CCDC171: variants seen among roughly 807,000 people sequenced by gnomAD.
CCDC171 encodes the protein coiled-coil domain containing 171.
A neutral mutation model predicts 168.2 loss-of-function variants in CCDC171; 177 were observed. That is an observed-to-expected ratio of 1.05 (90% CI 0.93 to 1.19). The LOEUF (loss-of-function observed/expected upper bound fraction) is 1.19. CCDC171 is among the 50% of genes most tolerant of loss of function. The pLI, the probability that CCDC171 is intolerant of heterozygous loss-of-function variation, is 0.00. For synonymous variants in CCDC171, 687 were observed against 540.8 expected (o/e 1.27, Z -3.75); for missense variants, 1,991 against 1,539.0 (o/e 1.29, Z -4.91).
chr9:15,724,135 G>A (rs7038981), intron 13 of CCDC171, among the ~76,000 whole-genome samples: 1 of 152,146 alleles, frequency 6.6e-6, no homozygotes, highest in South Asian at 2.1e-4. Flanking sequence ...AGTACATCAT[G>A]TCTGTTAATG....
intron 21 of CCDC171, among the ~76,000 whole-genome samples, chr9:15,833,492 A>T (rs115130295): frequency 6.6e-6 from 1 of 152,182 alleles, no homozygotes; most frequent in Non-Finnish European, 1.5e-5. Flanking sequence ...CCATTGTTGA[A>T]TAAGTCTTTC....
the CCDC171 span, among the ~76,000 whole-genome samples, chr9:16,075,190 C>G: frequency 6.6e-6 from 1 of 152,230 alleles, no homozygotes; most frequent in African/African-American, 2.4e-5. Flanking sequence ...AATACTTCCT[C>G]TTTATCTCTT....
chr9:15,781,739 A>T (rs1267966545), intron 20 of CCDC171, among the ~76,000 whole-genome samples: 1 of 152,142 alleles, frequency 6.6e-6, no homozygotes, highest in African/African-American at 2.4e-5. Context: ...ATATTGTCCT[A>T]TAATTATAAG....
rs73411560 is a variant in CCDC171, at chr9:15,954,764, G to T, written c.3754-16845G>T. Among the ~76,000 whole-genome samples the T allele has an allele frequency of 7.0e-3, 1,046 of 150,458 alleles. 12 individuals carry two copies. The highest frequency in any genetic ancestry group is 0.024 in the African/African-American group (992 of 41,180). On this transcript the variant is annotated intron_variant, in intron 25 of 25. Coordinates refer to ENST00000380701, the MANE Select transcript of CCDC171 (RefSeq NM_173550.4). ...TTTCAGCTCCAGAATTTCTTTTTTT[G>T]TTGTTGTTTGTTTCTTTCTAGGCTT...
chr9:15,751,502 T>G (rs1230327067), intron 18 of CCDC171, among the ~76,000 whole-genome samples: 1 of 152,100 alleles, frequency 6.6e-6, no homozygotes, highest in Non-Finnish European at 1.5e-5. Context: ...GCTGGAGGTG[T>G]CAGGCTGCCT....
At chr9:15,922,139 A>G (rs1328285) in intron 25 of CCDC171, 330,966 of 385,686 alleles carry the variant, frequency 0.86, 142,557 homozygotes, top group East Asian at 0.96. Context: ...TTTAGAAGAG[A>G]TGGTTCACCC....
At chr9:15,658,005 T>A (rs190624034) in intron 8 of CCDC171, among the ~76,000 whole-genome samples, 6 of 152,216 alleles carry the variant, frequency 3.9e-5, no homozygotes, top group South Asian at 2.1e-4. Context: ...ACATATTGTT[T>A]ATGGGTGCTT....
intron 6 of CCDC171, 106 bp from the exon 7 acceptor site, chr9:15,623,161 T>A (rs557146198): frequency 1.4e-6 from 1 of 694,146 alleles, no homozygotes; most frequent in Non-Finnish European, 2.2e-6. Flanking sequence ...TAACCTATTA[T>A]TATAGTTGAA....
intron 11 of CCDC171, among the ~76,000 whole-genome samples, chr9:15,710,107 T>A (rs2052547443): frequency 6.6e-6 from 1 of 152,252 alleles, no homozygotes; most frequent in South Asian, 2.1e-4. Flanking sequence ...CTCTAAAAAA[T>A]GAAGTCTTTT....
chr9:15,822,583 A>C (rs1227106323), intron 21 of CCDC171, among the ~76,000 whole-genome samples: 2 of 152,236 alleles, frequency 1.3e-5, no homozygotes, highest in Non-Finnish European at 1.5e-5. Flanking sequence ...CACATGAAAA[A>C]ATGCTCATCA....
intron 25 of CCDC171, among the ~76,000 whole-genome samples, chr9:15,939,649 G>C (rs1827500272): frequency 6.6e-6 from 1 of 151,826 alleles, no homozygotes; most frequent in South Asian, 2.1e-4. Flanking sequence ...GAGAAGCCTA[G>C]AGAACAGAAT....
chr9:15,675,094 G>C (rs773521112), intron 9 of CCDC171, among the ~76,000 whole-genome samples: 6 of 151,156 alleles, frequency 4.0e-5, no homozygotes, highest in African/African-American at 7.3e-5. Flanking sequence ...TTGTTGAATT[G>C]ATCCCTTTAC....
intron 24 of CCDC171, among the ~76,000 whole-genome samples, chr9:15,877,587 C>G (rs192031507): frequency 6.6e-6 from 1 of 152,068 alleles, no homozygotes; most frequent in Admixed American, 6.6e-5. Context: ...TGAAACCTTT[C>G]GTTTAAGTTC....
chr9:15,808,088 A>G lies in CCDC171; in HGVS notation c.3267+23394A>G, dbSNP rs2059159266. ...CCAGAAGTGAAAGTATCCTCCACTT[A>G]AAAAGAAATCCATTTCTCTTTGATG... On this transcript the variant is annotated intron_variant, in intron 21 of 25. Coordinates refer to ENST00000380701, the MANE Select transcript of CCDC171 (RefSeq NM_173550.4). Among the ~76,000 whole-genome samples the G allele has an allele frequency of 2.6e-5, 4 of 152,224 alleles. No individual in the cohort carries two copies. In the South Asian group the frequency reaches 8.3e-4, roughly 32 times the overall value.
At chr9:15,941,622 G>T (rs562526430) in intron 25 of CCDC171, among the ~76,000 whole-genome samples, 3 of 152,062 alleles carry the variant, frequency 2.0e-5, no homozygotes, top group Admixed American at 6.6e-5. Flanking sequence ...GTGTTAAGAA[G>T]AGAGAATTGT....
chr9:15,600,167 C>G (rs1008330901), intron 6 of CCDC171, among the ~76,000 whole-genome samples: 2 of 152,190 alleles, frequency 1.3e-5, no homozygotes, highest in African/African-American at 4.8e-5. Flanking sequence ...CAGCTTTGGT[C>G]TTTTGCTGGT....
At chr9:15,671,124 A>G (rs888009555) in intron 9 of CCDC171, among the ~76,000 whole-genome samples, 1 of 152,200 alleles carries the variant, frequency 6.6e-6, no homozygotes, top group African/African-American at 2.4e-5. Flanking sequence ...TACTTGCAGA[A>G]TCAACAGATG....
chr9:15,860,936 A>ATGTGTGTGTGTGTG (rs770617574), intron 23 of CCDC171, among the ~76,000 whole-genome samples: 11,942 of 144,116 alleles, frequency 0.083, 659 homozygotes, highest in African/African-American at 0.13. Context: ...GTTGTTAGGG[A>ATGTGTGTGTGTGTG]TGTGTGTGTG....
Position 15,964,212 on chromosome 9 carries a change from C to T in CCDC171, c.3754-7397C>T, listed in dbSNP as rs957615705. 7.2e-5 allele frequency among the ~76,000 whole-genome samples: 11 copies of T among 152,244 alleles called. No individual in the cohort carries two copies. In the Middle Eastern group the frequency reaches 0.01, roughly 141 times the overall value. ...GAACTCAGTCTTAATAAATATGCTA[C>T]CCTCAGCCTATTTTCTAATTACATT... On this transcript the variant is annotated intron_variant, in intron 25 of 25. Transcript: ENST00000380701.
Sources: gnomAD v4.1 joint callset for allele counts (sites outside exome capture counted in the v4.1 genomes callset) on GRCh38, gnomAD v4.1.1 for gene constraint, MANE v1.5 for transcripts, NCBI Gene and HGNC (gene_info 2026-07-23, HGNC 2026-07-21) for gene names.